SLC71A2: variants seen among roughly 807,000 people sequenced by gnomAD.
SLC71A2 encodes the protein hippocampus abundant transcript-like 1.
chr9:94,431,961 G>C, the SLC71A2 span, among the ~76,000 whole-genome samples: 3 of 152,128 alleles, frequency 2.0e-5, no homozygotes, highest in African/African-American at 7.2e-5. Flanking sequence ...TAGCTGGTCT[G>C]AACCATTTTG....
chr9:94,429,197 T>G, the SLC71A2 span: 2 of 1,603,104 alleles, frequency 1.2e-6, no homozygotes, highest in Middle Eastern at 3.3e-4. Context: ...AGGTTCTACA[T>G]GAAACATTTT....
the SLC71A2 span, among the ~76,000 whole-genome samples, chr9:94,392,069 A>C: frequency 1.3e-5 from 2 of 151,794 alleles, no homozygotes; most frequent in Non-Finnish European, 2.9e-5. Flanking sequence ...GGATGGTGAG[A>C]AAATCTAGAG....
the SLC71A2 span, among the ~76,000 whole-genome samples, chr9:94,419,898 TTC>T: frequency 6.6e-6 from 1 of 152,228 alleles, no homozygotes; most frequent in East Asian, 1.9e-4. Flanking sequence ...CTTCCTTGGG[TTC>T]TCTGTCTCCA....
chr9:94,417,067 T>A, the SLC71A2 span, among the ~76,000 whole-genome samples: 1 of 152,150 alleles, frequency 6.6e-6, no homozygotes, highest in Non-Finnish European at 1.5e-5. Flanking sequence ...CCTCACTGTT[T>A]GCATAGTGCT....
the SLC71A2 span, among the ~76,000 whole-genome samples, chr9:94,408,983 C>T: frequency 5.9e-5 from 9 of 151,602 alleles, no homozygotes; most frequent in South Asian, 2.1e-4. Context: ...TCCGCCACCA[C>T]GCCTGGCTAA....
At chr9:94,433,807 C>T in the SLC71A2 span, among the ~76,000 whole-genome samples, 1 of 151,802 alleles carries the variant, frequency 6.6e-6, no homozygotes, top group Non-Finnish European at 1.5e-5. Flanking sequence ...TCAGAAACAA[C>T]GAATTCAGAA....
the SLC71A2 span, among the ~76,000 whole-genome samples, chr9:94,416,373 A>T: frequency 2.4e-4 from 37 of 152,142 alleles, no homozygotes; most frequent in Non-Finnish European, 4.7e-4. Context: ...TTAAAAAAAA[A>T]ATTGGAGCTT....
the SLC71A2 span, among the ~76,000 whole-genome samples, chr9:94,396,079 G>C: frequency 6.6e-6 from 1 of 151,704 alleles, no homozygotes; most frequent in African/African-American, 2.4e-5. Flanking sequence ...GAAGCTATAG[G>C]GATATGGCAG....
the SLC71A2 span, chr9:94,456,286 T>C: frequency 1.2e-6 from 2 of 1,614,138 alleles, no homozygotes; most frequent in Non-Finnish European, 1.7e-6. Context: ...CAGCATCACG[T>C]TTCCGGCAAT....
the SLC71A2 span, among the ~76,000 whole-genome samples, chr9:94,383,096 T>C: frequency 0.019 from 2,828 of 152,036 alleles, 76 homozygotes; most frequent in African/African-American, 0.064. Flanking sequence ...ATGGAAATTA[T>C]TTGTTTATGA....
the SLC71A2 span, chr9:94,444,908 C>T: frequency 4.5e-6 from 7 of 1,542,738 alleles, no homozygotes; most frequent in Admixed American, 1.2e-4. Flanking sequence ...TAAGGATATG[C>T]TTTCCCCAGA....
chr9:94,389,016 C>A, the SLC71A2 span, among the ~76,000 whole-genome samples: 2 of 151,932 alleles, frequency 1.3e-5, no homozygotes, highest in Admixed American at 6.6e-5. Context: ...GTTGATCCTG[C>A]TTTCAGATAT....
the SLC71A2 span, among the ~76,000 whole-genome samples, chr9:94,379,419 A>C: frequency 1.2e-4 from 12 of 103,914 alleles, no homozygotes; most frequent in African/African-American, 2.1e-4. Context: ...GTGAGGCCTC[A>C]CTCTGTCATC....
the SLC71A2 span, chr9:94,456,205 CCTGCTGCCTGA>C: frequency 6.5e-7 from 1 of 1,529,848 alleles, no homozygotes; most frequent in Non-Finnish European, 9.0e-7. Context: ...TTGAGGTTGA[CCTGCTGCCTGA>C]CTGTGCCTGT....
At chr9:94,411,581 A>G in the SLC71A2 span, among the ~76,000 whole-genome samples, 1 of 148,258 alleles carries the variant, frequency 6.7e-6, no homozygotes, top group Non-Finnish European at 1.5e-5. Flanking sequence ...TCCTTTCTTC[A>G]TTCGTTAGCC....
At chr9:94,430,691 A>T in the SLC71A2 span, among the ~76,000 whole-genome samples, 1 of 152,074 alleles carries the variant, frequency 6.6e-6, no homozygotes, top group Non-Finnish European at 1.5e-5. Context: ...TTTGAAATAG[A>T]CAATTCTGAT....
At chr9:94,425,814 A>G in the SLC71A2 span, among the ~76,000 whole-genome samples, 1 of 152,122 alleles carries the variant, frequency 6.6e-6, no homozygotes, top group Non-Finnish European at 1.5e-5. Flanking sequence ...TTAAAAAACT[A>G]TAAACTAAGT....
At chr9:94,453,882 GTCT>G in the SLC71A2 span, 1 of 990,330 alleles carries the variant, frequency 1.0e-6, no homozygotes. Flanking sequence ...TCAGGGAAGG[GTCT>G]TCACACACAG....
chr9:94,416,875 G>A, the SLC71A2 span, among the ~76,000 whole-genome samples: 1 of 151,126 alleles, frequency 6.6e-6, no homozygotes, highest in South Asian at 2.1e-4. Flanking sequence ...AAAAAATACA[G>A]TTTTATTCAT....
Sources: allele counts gnomAD v4.1 joint callset (sites outside exome capture counted in the v4.1 genomes callset), GRCh38; gene constraint gnomAD v4.1.1; transcripts MANE v1.5; gene names NCBI Gene and HGNC (gene_info 2026-07-23, HGNC 2026-07-21).